ANKRD26: variants seen among roughly 807,000 people sequenced by gnomAD.
ANKRD26 encodes the protein ankyrin repeat domain 26.
Under a neutral mutation model 208.7 loss-of-function variants are expected in ANKRD26, and 141 were observed. The ratio of observed to expected loss-of-function variants is 0.68; its 90% CI spans 0.59 to 0.78. The LOEUF (loss-of-function observed/expected upper bound fraction) is 0.78, where lower values mean the gene tolerates loss of function less well. Among genes scored for constraint, ANKRD26 ranks in the 30% least tolerant of loss-of-function variants. ANKRD26 has a pLI of 0.00. For missense variants in ANKRD26, 1,889 were observed against 1,938.7 expected (o/e 0.97, Z 0.48); for synonymous variants, 636 against 660.4 (o/e 0.96, Z 0.57).
At chr10:27,046,316 T>G (rs752924001) in intron 18 of ANKRD26, 37 bp downstream of exon 18, 27 of 1,603,238 alleles carry the variant, frequency 1.7e-5, no homozygotes, top group Non-Finnish European at 2.1e-5. Flanking sequence ...ACTACTAACC[T>G]TCCTCCATAG....
At chr10:27,070,255 C>T (rs2055432979) in intron 9 of ANKRD26, among the ~76,000 whole-genome samples, 1 of 151,834 alleles carries the variant, frequency 6.6e-6, no homozygotes, top group South Asian at 2.1e-4. Context: ...CAAAAATTAG[C>T]CATGTTTGGT....
chr10:27,095,427 G>A (rs1159555349), intron 1 of ANKRD26, among the ~76,000 whole-genome samples: 1 of 152,208 alleles, frequency 6.6e-6, no homozygotes, highest in Non-Finnish European at 1.5e-5. Flanking sequence ...CAACACTTTG[G>A]GAAGCCAAGG....
chr10:27,009,227 G>T (rs1156380598), intron 32 of ANKRD26, among the ~76,000 whole-genome samples: 1 of 152,174 alleles, frequency 6.6e-6, no homozygotes, highest in East Asian at 1.9e-4. Context: ...GGCTCAAAGG[G>T]AAAAGGGGCA....
At chr10:27,011,514 T>A (rs561305075) in intron 32 of ANKRD26, among the ~76,000 whole-genome samples, 1 of 152,310 alleles carries the variant, frequency 6.6e-6, no homozygotes, top group East Asian at 1.9e-4. Context: ...TGATTTTTTT[T>A]TTCCCTACCA....
Position 27,014,583 on chromosome 10 carries a change from T to C in ANKRD26, c.4635A>G (p.Glu1545=), listed in dbSNP as rs1457671000. 3.7e-6 allele frequency: 6 copies of C among 1,609,796 alleles called. No homozygotes were observed. Among genetic ancestry groups the C allele is most frequent in the Non-Finnish European group, 5.1e-6 (6 of 1,177,640 alleles). The change falls in exon 31 of 34, where the codon GAA becomes GAG. Residue 1545 remains glutamate, a synonymous_variant. Coordinates refer to ENST00000376087, the MANE Select transcript of ANKRD26 (RefSeq NM_014915.3). ...SELSKIKTSQ[E]DFNKTELEKY... ...TTTCCAGTTCGGTTTTATTAAAGTC[T>C]TCTTGAGAAGTTTTTATTTTGGAGA...
At chr10:27,037,779 A>T in intron 22 of ANKRD26, 92 bp downstream of exon 22, 3 of 1,071,200 alleles carry the variant, frequency 2.8e-6, no homozygotes, top group Non-Finnish European at 4.0e-6. Flanking sequence ...GTTTTGTTTT[A>T]AACCTAGATA....
chr10:27,061,423 A>AT (rs991527581), intron 12 of ANKRD26, among the ~76,000 whole-genome samples, 181 bp from the exon 13 acceptor site: 4 of 152,236 alleles, frequency 2.6e-5, no homozygotes, highest in Admixed American at 2.6e-4. Context: ...ATTAACTGTA[A>AT]TTTTTTCATT....
At chr10:26,971,182 G>C (rs2052136720), downstream of ANKRD26, among the ~76,000 whole-genome samples, 2 of 151,652 alleles carry the variant, frequency 1.3e-5, no homozygotes, top group African/African-American at 4.8e-5. Flanking sequence ...TCAGGAGTTT[G>C]AGACCAACCT....
At chr10:27,080,978 A>G in intron 6 of ANKRD26, 1 of 984,984 alleles carries the variant, frequency 1.0e-6, no homozygotes, top group Non-Finnish European at 1.2e-6. Flanking sequence ...CCACAGATCT[A>G]TGTAGTTCAG....
At chr10:26,961,632 C>T in the ANKRD26 span, among the ~76,000 whole-genome samples, 1 of 152,168 alleles carries the variant, frequency 6.6e-6, no homozygotes, top group African/African-American at 2.4e-5. Flanking sequence ...TTGCTTGAGC[C>T]CAGGAGTTCA....
At chr10:27,048,454 C>T (rs2054535253) in intron 17 of ANKRD26, among the ~76,000 whole-genome samples, 1 of 151,806 alleles carries the variant, frequency 6.6e-6, no homozygotes, top group East Asian at 1.9e-4. Flanking sequence ...GAATCTAGTC[C>T]CAGAAGTGAA....
At chr10:27,046,199 C>T in intron 18 of ANKRD26, 154 bp downstream of exon 18, 3 of 800,108 alleles carry the variant, frequency 3.7e-6, no homozygotes, top group South Asian at 3.4e-5. Context: ...ATTGAAATGG[C>T]TGCTTGTCAA....
At chr10:27,051,849 G>A (rs964756714) in intron 16 of ANKRD26, 3 of 985,202 alleles carry the variant, frequency 3.0e-6, no homozygotes, top group Non-Finnish European at 3.6e-6. Flanking sequence ...CTCTTCCCCA[G>A]GAGAAGCAGT....
rs1389289081 is a variant in ANKRD26 at position 27,062,817 on chromosome 10, G to A, written c.1363+1171C>T. Among the ~76,000 whole-genome samples the A allele has an allele frequency of 3.3e-5, 5 of 151,046 alleles. No individual in the cohort carries two copies. The East Asian group carries it at 9.7e-4, about 29-fold the overall frequency. On this transcript the variant is annotated intron_variant, in intron 12 of 33. Coordinates refer to ENST00000376087, the MANE Select transcript of ANKRD26 (RefSeq NM_014915.3). ...GAATCTTGCTCTGTTGCCCAGGCTG[G>A]AGTGCAGTGGCACAATCTCGGCTCA...
chr10:26,955,382 C>T, the ANKRD26 span, among the ~76,000 whole-genome samples: 7 of 151,326 alleles, frequency 4.6e-5, no homozygotes, highest in African/African-American at 9.7e-5. Flanking sequence ...GAGCCGAGAT[C>T]GCACCATTGC....
In ANKRD26 at chr10:27,005,598, TATA is replaced by T. The variant is rs2052845397; in HGVS notation, c.5122_5124del (p.Tyr1708del). 3 of 1,609,760 alleles carry T rather than the reference TATA, an allele frequency of 1.9e-6. No individual in the cohort carries two copies. Among genetic ancestry groups the T allele is most frequent in the Non-Finnish European group, 2.5e-6 (3 of 1,176,794 alleles). The stretch of plus-strand genomic sequence containing the variant: ...TAATAAAATCTTATCTTTCAGATCA[TATA>T]ATTTTTCTTTAAAACCTGTACATAT... On this transcript the variant is annotated inframe_deletion, in exon 34 of 34. Transcript: ENST00000376087.
Position 27,024,455 on chromosome 10 carries a change from C to T in ANKRD26, c.4077G>A (p.Glu1359=), listed in dbSNP as rs763854793. The T allele has an allele frequency of 1.8e-5, 27 of 1,486,286 alleles. No individual in the cohort carries two copies. Among genetic ancestry groups the T allele is most frequent in the Non-Finnish European group, 2.4e-5 (26 of 1,069,512 alleles). 92.1% of individuals were successfully genotyped at this position (1,486,286 alleles called of 1,614,324 possible). ...EMKKNVELER[E]ITGFKNLLKM... The stretch of plus-strand genomic sequence containing the variant: ...AAATATTAAAATCTTACCCAGTTAT[C>T]TCTCTTTCTAATTCAACATTTTTCT... Residue 1359 remains glutamate (E), a synonymous_variant, in exon 28 of 34, where the codon GAG becomes GAA. Coordinates refer to ENST00000376087, the MANE Select transcript of ANKRD26 (RefSeq NM_014915.3).
In ANKRD26 at chr10:27,043,665, G is replaced by A; in HGVS notation, c.2020-98C>T. 4 of 1,234,734 alleles carry A rather than the reference G, an allele frequency of 3.2e-6. No individual in the cohort carries two copies. In the South Asian group the frequency reaches 4.0e-5, roughly 12 times the overall value. The allele number at this position is 1,234,734 out of a possible 1,614,324, so 76.5% of individuals were successfully genotyped here. ...ATCTTTCTAAATGAGCAAAAACACA[G>A]GTATTTCTTAAAAAGAACTGATTTT... On this transcript the variant is annotated intron_variant, in intron 19 of 33. Coordinates refer to ENST00000376087, the MANE Select transcript of ANKRD26 (RefSeq NM_014915.3).
chr10:27,052,297 AC>A (rs750990976), intron 16 of ANKRD26: 57 of 433,540 alleles, frequency 1.3e-4, no homozygotes, highest in Non-Finnish European at 1.7e-4. Context: ...AAAAACATGA[AC>A]CAGCAAAGTT....
Sources: allele counts gnomAD v4.1 joint callset (sites outside exome capture counted in the v4.1 genomes callset), GRCh38; gene constraint gnomAD v4.1.1; transcripts MANE v1.5; gene names NCBI Gene and HGNC (gene_info 2026-07-23, HGNC 2026-07-21).